CNTLN: variants seen among roughly 807,000 people sequenced by gnomAD.
CNTLN encodes the protein centlein.
A neutral mutation model predicts 180.0 loss-of-function variants in CNTLN; 212 were observed. The observed-to-expected ratio is 1.18, with a 90% CI of 1.05 to 1.32. The LOEUF (loss-of-function observed/expected upper bound fraction) is 1.32, where lower values mean the gene tolerates loss of function less well. CNTLN is among the 40% of genes most tolerant of loss of function. CNTLN has a pLI of 0.00. For missense variants in CNTLN, 2,095 were observed against 1,610.9 expected, an observed-to-expected ratio of 1.30 and a Z score of -5.14; for synonymous variants, 722 against 563.1, an observed-to-expected ratio of 1.28 and a Z score of -3.99.
chr9:17,233,043 A>T (rs1237589627), intron 3 of CNTLN, among the ~76,000 whole-genome samples: 1 of 152,084 alleles, frequency 6.6e-6, no homozygotes, highest in Non-Finnish European at 1.5e-5. Context: ...ATTTAAAAAA[A>T]TTTCCAACCC....
chr9:17,280,499 G>T lies in CNTLN; in HGVS notation c.983+6633G>T, dbSNP rs183068280. Among the ~76,000 whole-genome samples the T allele has an allele frequency of 5.2e-3, 795 of 152,098 alleles. 5 individuals are homozygous for T. The highest frequency in any genetic ancestry group is 8.2e-3 in the Admixed American group (126 of 15,276). On this transcript the variant is annotated intron_variant, in intron 6 of 25. Coordinates refer to ENST00000380647, the MANE Select transcript of CNTLN (RefSeq NM_017738.4). ...GTTTTTACATAGCCTAGTAAACAGG[G>T]CCTGAGTCACGGATTACATACTGAT...
chr9:17,418,736 T>G (rs1325108084), intron 18 of CNTLN, among the ~76,000 whole-genome samples: 1 of 152,072 alleles, frequency 6.6e-6, no homozygotes, highest in Non-Finnish European at 1.5e-5. Context: ...GGTTTTGAAC[T>G]TATAGGTCTT....
At chr9:17,319,023 T>C (rs1047277283) in intron 8 of CNTLN, among the ~76,000 whole-genome samples, 9 of 152,196 alleles carry the variant, frequency 5.9e-5, no homozygotes, top group African/African-American at 1.9e-4. Context: ...TTACAAAATG[T>C]GTTGTAATTG....
At chr9:17,207,406 A>G (rs867989663) in intron 2 of CNTLN, among the ~76,000 whole-genome samples, 10 of 152,196 alleles carry the variant, frequency 6.6e-5, no homozygotes, top group Middle Eastern at 3.4e-3. Flanking sequence ...TGGGTATGAA[A>G]AAAACTCCTG....
At chr9:17,417,033 G>A (rs1450474171) in intron 18 of CNTLN, among the ~76,000 whole-genome samples, 1 of 152,026 alleles carries the variant, frequency 6.6e-6, no homozygotes, top group Admixed American at 6.6e-5. Context: ...TGCCATTTAA[G>A]AATTGTGTTC....
intron 5 of CNTLN, among the ~76,000 whole-genome samples, chr9:17,244,390 T>C (rs1290104039): frequency 6.6e-6 from 1 of 152,000 alleles, no homozygotes; most frequent in Non-Finnish European, 1.5e-5. Flanking sequence ...TTTTTGCTTT[T>C]TAATTTTTGT....
chr9:17,306,005 T>C (rs749309495), intron 7 of CNTLN, among the ~76,000 whole-genome samples: 41 of 152,120 alleles, frequency 2.7e-4, no homozygotes, highest in Non-Finnish European at 1.2e-4. Flanking sequence ...GTGCAAGACA[T>C]AGAGTTTTTC....
At chr9:17,417,637 C>T (rs1324243701) in intron 18 of CNTLN, among the ~76,000 whole-genome samples, 3 of 151,930 alleles carry the variant, frequency 2.0e-5, no homozygotes, top group Non-Finnish European at 2.9e-5. Context: ...CCTCATTCTC[C>T]TTGGAAAAGG....
rs1833861445 is a variant in CNTLN at position 17,503,660 on chromosome 9, T to A, written c.*1008T>A. On this transcript the variant is annotated 3_prime_UTR_variant, in exon 26 of 26. Coordinates refer to ENST00000380647, the MANE Select transcript of CNTLN (RefSeq NM_017738.4). ...CTCATAGCACAAAATTATCTATCTGTTCATGTATTTGTTTTCTTGTTTATT... is the reference window on the plus strand; with the variant it reads ...CTCATAGCACAAAATTATCTATCTGATCATGTATTTGTTTTCTTGTTTATT... 2.0e-5 allele frequency: 3 copies of A among 152,632 alleles called. No individual in the cohort carries two copies. Among genetic ancestry groups the A allele is most frequent in the African/African-American group, 7.2e-5 (3 of 41,442 alleles). The allele number at this position is 152,632 out of a possible 1,614,324, so 9.5% of individuals were successfully genotyped here. A position where few individuals can be genotyped will look rare whatever the true frequency, so the allele number is the denominator to read the frequency against.
At chr9:17,310,816 C>G (rs977362604) in intron 8 of CNTLN, among the ~76,000 whole-genome samples, 128 of 152,248 alleles carry the variant, frequency 8.4e-4, no homozygotes, top group African/African-American at 2.9e-3. Context: ...ATATCACTGA[C>G]TAGCCAGTAT....
At chr9:17,517,478 G>T in the CNTLN span, among the ~76,000 whole-genome samples, 2 of 151,892 alleles carry the variant, frequency 1.3e-5, no homozygotes, top group Non-Finnish European at 2.9e-5. Flanking sequence ...ATGTATTCAA[G>T]TTAAGAAAAG....
At chr9:17,290,894 C>G (rs551582775) in intron 6 of CNTLN, among the ~76,000 whole-genome samples, 2 of 152,334 alleles carry the variant, frequency 1.3e-5, no homozygotes, top group South Asian at 2.1e-4. Context: ...ACCCACTGGC[C>G]TGCGCCCACT....
Position 17,330,752 on chromosome 9 carries a change from G to A in CNTLN, c.1462G>A (p.Ala488Thr), listed in dbSNP as rs888509876. The A allele has an allele frequency of 9.9e-6, 16 of 1,611,232 alleles. No homozygotes were observed. Among genetic ancestry groups the A allele is most frequent in the Non-Finnish European group, 1.4e-5 (16 of 1,178,452 alleles). ...TGAAAAACTGTCAGAAAACATATCT[G>A]CCAACAAGGGTTTCTCCCGAAAGAG... is the stretch of plus-strand genomic sequence containing the variant. Reference protein sequence around the residue: ...ANEKLSENISANKGFSRKSIM... With the variant: ...ANEKLSENISTNKGFSRKSIM... The change falls in exon 9 of 26, where the codon GCC (alanine) becomes ACC (threonine). Residue 488 changes from alanine (A) to threonine (T), a missense_variant. Coordinates refer to ENST00000380647, the MANE Select transcript of CNTLN (RefSeq NM_017738.4).
chr9:17,224,314 G>A (rs1760330351), intron 2 of CNTLN, among the ~76,000 whole-genome samples: 1 of 151,906 alleles, frequency 6.6e-6, no homozygotes, highest in Non-Finnish European at 1.5e-5. Context: ...TATAATAAAT[G>A]TGCAATAAAT....
At chr9:17,305,524 T>TTG (rs2132868408) in intron 7 of CNTLN, among the ~76,000 whole-genome samples, 2 of 151,736 alleles carry the variant, frequency 1.3e-5, no homozygotes, top group Middle Eastern at 3.4e-3. Context: ...GAGCACTGTT[T>TTG]TTTTTTTTTT....
intron 18 of CNTLN, among the ~76,000 whole-genome samples, chr9:17,448,711 G>T (rs910765243): frequency 2.6e-5 from 4 of 151,732 alleles, no homozygotes; most frequent in Admixed American, 2.0e-4. Flanking sequence ...TTTTTTTCTT[G>T]GTTCTTTGAG....
intron 8 of CNTLN, among the ~76,000 whole-genome samples, chr9:17,313,192 G>A (rs1819326710): frequency 6.6e-6 from 1 of 151,890 alleles, no homozygotes; most frequent in Non-Finnish European, 1.5e-5. Flanking sequence ...TTTAATTTCA[G>A]CACATAGGTT....
intron 2 of CNTLN, among the ~76,000 whole-genome samples, chr9:17,184,432 TC>T (rs200203840): frequency 0.02 from 3,078 of 152,268 alleles, 101 homozygotes; most frequent in African/African-American, 0.07. Context: ...ACTAGCTATT[TC>T]AAAATCATAC....
chr9:17,265,539 G>C (rs1827357445), intron 5 of CNTLN, among the ~76,000 whole-genome samples: 1 of 152,112 alleles, frequency 6.6e-6, no homozygotes. Flanking sequence ...TTTGGTTTGA[G>C]GATGATGCTG....
Sources: allele counts gnomAD v4.1 joint callset (sites outside exome capture counted in the v4.1 genomes callset), GRCh38; gene constraint gnomAD v4.1.1; transcripts MANE v1.5; gene names NCBI Gene and HGNC (gene_info 2026-07-23, HGNC 2026-07-21).